LCLAT1: variants seen among roughly 807,000 people sequenced by gnomAD.
LCLAT1 encodes the protein 1-AGP acyltransferase 8.
A neutral mutation model predicts 30.7 loss-of-function variants in LCLAT1; 11 were observed. The observed-to-expected ratio is 0.36, with a 90% CI of 0.23 to 0.59. LCLAT1 has a LOEUF of 0.59. Among genes scored for constraint, LCLAT1 ranks in the 20% least tolerant of loss-of-function variants. The pLI is 0.77. For synonymous variants in LCLAT1, 155 were observed against 151.3 expected (o/e 1.02, Z -0.18); for missense variants, 402 against 458.6 (o/e 0.88, Z 1.13).
chr2:30,466,413 TAATC>T (rs1264178190), intron 1 of LCLAT1, among the ~76,000 whole-genome samples: 1 of 152,096 alleles, frequency 6.6e-6, no homozygotes, highest in Non-Finnish European at 1.5e-5. Flanking sequence ...TGTTGTTATC[TAATC>T]AATCATTTTT....
intron 2 of LCLAT1, among the ~76,000 whole-genome samples, chr2:30,530,340 T>G (rs1685924225): frequency 6.6e-6 from 1 of 152,232 alleles, no homozygotes; most frequent in African/African-American, 2.4e-5. Flanking sequence ...TATTTCTGTG[T>G]AGTATATTTG....
chr2:30,588,069 C>A (rs544431630), intron 5 of LCLAT1, among the ~76,000 whole-genome samples: 1 of 152,340 alleles, frequency 6.6e-6, no homozygotes, highest in East Asian at 1.9e-4. Context: ...TGGTAGAAGC[C>A]TTCCTTGCAA....
At chr2:30,486,963 A>G (rs1459644740) in intron 1 of LCLAT1, among the ~76,000 whole-genome samples, 4 of 152,200 alleles carry the variant, frequency 2.6e-5, no homozygotes, top group African/African-American at 9.6e-5. Context: ...CACCTACTAT[A>G]ATAACACTAC....
intron 5 of LCLAT1, among the ~76,000 whole-genome samples, chr2:30,629,592 A>G (rs540873783): frequency 3.3e-5 from 5 of 152,238 alleles, no homozygotes; most frequent in East Asian, 1.9e-4. Flanking sequence ...TACTTGGGCA[A>G]TTTTCTTAAA....
At chr2:30,526,623 C>G (rs1471532642) in intron 2 of LCLAT1, among the ~76,000 whole-genome samples, 1 of 152,016 alleles carries the variant, frequency 6.6e-6, no homozygotes, top group Non-Finnish European at 1.5e-5. Context: ...TATAAGTATG[C>G]TTTGTTTTGT....
At chr2:30,601,815 T>C (rs1028771434) in intron 5 of LCLAT1, among the ~76,000 whole-genome samples, 2 of 151,794 alleles carry the variant, frequency 1.3e-5, no homozygotes, top group Non-Finnish European at 2.9e-5. Context: ...TGGCATGTCA[T>C]ATATATCTAT....
Position 30,564,850 on chromosome 2 carries a change from C to T in LCLAT1, c.511+2558C>T, listed in dbSNP as rs1352883249. On this transcript the variant is annotated intron_variant, in intron 4 of 5. Coordinates refer to ENST00000379509, the MANE Select transcript of LCLAT1 (RefSeq NM_001002257.3). The stretch of plus-strand genomic sequence containing the variant: ...TTTAAATTAGTGCATTTAAATCTAA[C>T]TTTACATATATTCTATCTTCATATT... Among the ~76,000 whole-genome samples, 3 of 152,142 alleles carry T rather than the reference C, an allele frequency of 2.0e-5. No individual in the cohort carries two copies. The East Asian group carries it at 5.8e-4, about 29-fold the overall frequency.
chr2:30,557,621 G>T (rs1664989224), intron 3 of LCLAT1, among the ~76,000 whole-genome samples: 1 of 151,514 alleles, frequency 6.6e-6, no homozygotes, highest in Admixed American at 6.6e-5. Context: ...CATCATGTTG[G>T]CCAGGCTGGT....
chr2:30,587,093 T>C (rs943223493), intron 5 of LCLAT1, among the ~76,000 whole-genome samples: 7 of 152,224 alleles, frequency 4.6e-5, no homozygotes, highest in Non-Finnish European at 7.3e-5. Flanking sequence ...CCAGACCTTG[T>C]CCTTTCTTGC....
At chr2:30,525,545 A>T in intron 1 of LCLAT1, 42 bp from the exon 2 acceptor site, 1 of 1,492,602 alleles carries the variant, frequency 6.7e-7, no homozygotes, top group Non-Finnish European at 9.3e-7. Context: ...TCGAGCCGTT[A>T]AATGTATAGT....
chr2:30,611,224 A>C (rs1667723605), intron 5 of LCLAT1, among the ~76,000 whole-genome samples: 1 of 151,516 alleles, frequency 6.6e-6, no homozygotes, highest in Non-Finnish European at 1.5e-5. Flanking sequence ...GCATTGCTCT[A>C]TGTGAACATG....
intron 5 of LCLAT1, among the ~76,000 whole-genome samples, chr2:30,609,819 TTGTACTTCAACTAGATTA>T (rs1248388235): frequency 2.6e-5 from 4 of 152,186 alleles, no homozygotes; most frequent in African/African-American, 9.7e-5. Flanking sequence ...TATTTATATG[TTGTACTTCAACTAGATTA>T]TAAACTTCTA....
intron 1 of LCLAT1, among the ~76,000 whole-genome samples, chr2:30,498,936 C>G (rs12476805): frequency 2.0e-5 from 3 of 152,218 alleles, no homozygotes; most frequent in Admixed American, 2.0e-4. Flanking sequence ...GTTTGTGACT[C>G]ACTTTAAATG....
chr2:30,619,229 A>G (rs1029701681), intron 5 of LCLAT1, among the ~76,000 whole-genome samples: 2 of 152,242 alleles, frequency 1.3e-5, no homozygotes, highest in African/African-American at 4.8e-5. Flanking sequence ...TATAGACACT[A>G]GAACTAGATA....
chr2:30,570,261 C>T (rs1053059805), intron 5 of LCLAT1, among the ~76,000 whole-genome samples: 1 of 152,038 alleles, frequency 6.6e-6, no homozygotes, highest in Non-Finnish European at 1.5e-5. Flanking sequence ...CCTCCTGTAT[C>T]AGTAAAAAGA....
chr2:30,493,797 T>C (rs1683961521), intron 1 of LCLAT1, among the ~76,000 whole-genome samples: 2 of 152,296 alleles, frequency 1.3e-5, no homozygotes, highest in South Asian at 2.1e-4. Flanking sequence ...AGATAAAATA[T>C]TGAAATATCA....
At chr2:30,621,582 C>T (rs566059197) in intron 5 of LCLAT1, among the ~76,000 whole-genome samples, 2 of 152,276 alleles carry the variant, frequency 1.3e-5, no homozygotes, top group East Asian at 1.9e-4. Flanking sequence ...CAGCTTGCTA[C>T]TGCAGGCTCC....
intron 5 of LCLAT1, among the ~76,000 whole-genome samples, chr2:30,605,724 G>T (rs1346200810): frequency 6.6e-6 from 1 of 152,164 alleles, no homozygotes; most frequent in Non-Finnish European, 1.5e-5. Context: ...TTTAGCAAAT[G>T]ATCAGGATGA....
intron 1 of LCLAT1, among the ~76,000 whole-genome samples, chr2:30,468,088 C>A (rs1396985774): frequency 6.6e-5 from 10 of 152,300 alleles, no homozygotes; most frequent in Non-Finnish European, 1.5e-4. Context: ...ACATTTAAGT[C>A]TTTAATCCGT....
Sources: gnomAD v4.1 joint callset for allele counts (sites outside exome capture counted in the v4.1 genomes callset) on GRCh38, gnomAD v4.1.1 for gene constraint, MANE v1.5 for transcripts, NCBI Gene and HGNC (gene_info 2026-07-23, HGNC 2026-07-21) for gene names.